The following SLCO3A1 variants were observed in gnomAD, a reference collection of about 807,000 sequenced individuals.
The protein encoded by SLCO3A1 is solute carrier organic anion transporter family member 3A1.
In SLCO3A1, 27 loss-of-function variants were observed where a neutral mutation model predicts 63.1. That is an observed-to-expected ratio of 0.43 (90% CI 0.32 to 0.59). The LOEUF is 0.59. Among genes scored for constraint, SLCO3A1 ranks in the 20% least tolerant of loss-of-function variants. SLCO3A1 has a pLI of 0.09. For synonymous variants in SLCO3A1, 473 were observed against 409.9 expected (o/e 1.15, Z -1.86); for missense variants, 773 against 945.8 (o/e 0.82, Z 2.40).
chr15:92,154,204 G>A (rs1192614292), intron 9 of SLCO3A1, among the ~76,000 whole-genome samples: 1 of 152,208 alleles, frequency 6.6e-6, no homozygotes, highest in Non-Finnish European at 1.5e-5. Context: ...TCTGCATTAT[G>A]CATTATTCTC....
intron 4 of SLCO3A1, among the ~76,000 whole-genome samples, chr15:92,114,051 G>A (rs1179004709): frequency 6.6e-6 from 1 of 152,148 alleles, no homozygotes; most frequent in Admixed American, 6.5e-5. Context: ...AAGCAATGGG[G>A]GCGTTCTTTG....
chr15:92,006,185 T>G (rs1397485901), intron 2 of SLCO3A1, among the ~76,000 whole-genome samples: 1 of 152,176 alleles, frequency 6.6e-6, no homozygotes, highest in Non-Finnish European at 1.5e-5. Flanking sequence ...TAAGCCAGGT[T>G]GTGCTGGAGT....
chr15:91,854,013 C>T lies in SLCO3A1; in HGVS notation c.105C>T (p.Cys35=). 3 of 1,545,832 alleles carry T rather than the reference C, an allele frequency of 1.9e-6. No homozygotes were observed. The highest frequency in any genetic ancestry group is 2.6e-6 in the Non-Finnish European group (3 of 1,145,260). ...AGAAAAAGAAAAAGAAGGTGTCCTG[C>T]TTTTCCAACATCAAGATCTTCCTGG... ...RNKKKKKKVS[C]FSNIKIFLVS... Residue 35 remains cysteine, a synonymous_variant, in exon 1 of 10, where the codon TGC becomes TGT. Transcript: ENST00000318445. The surrounding 1 kb of genome is among the most constrained non-coding windows in gnomAD (Gnocchi z 6.4).
chr15:92,070,526 C>A (rs1271690206), intron 2 of SLCO3A1, among the ~76,000 whole-genome samples: 1 of 152,052 alleles, frequency 6.6e-6, no homozygotes, highest in Non-Finnish European at 1.5e-5. Context: ...GCCTGTAATC[C>A]CAGCTACTCA....
chr15:91,913,127 A>T (rs1171695166), intron 1 of SLCO3A1, among the ~76,000 whole-genome samples: 2 of 152,246 alleles, frequency 1.3e-5, no homozygotes, highest in Non-Finnish European at 2.9e-5. Context: ...TCGTTTCTGA[A>T]CAGCGGCAAA....
chr15:91,881,520 A>G lies in SLCO3A1; in HGVS notation c.180+27432A>G, dbSNP rs1380503619. Among the ~76,000 whole-genome samples, 4 of 152,210 alleles carry G rather than the reference A, an allele frequency of 2.6e-5. No individual in the cohort carries two copies. In the South Asian group the frequency reaches 8.3e-4, roughly 32 times the overall value. Reference sequence around the variant, plus strand: ...ATCGTGCAGTTTATGGAACCAGCAGACTAACCCGCCCCCTTCCCTTGTCTT... The same window carrying G: ...ATCGTGCAGTTTATGGAACCAGCAGGCTAACCCGCCCCCTTCCCTTGTCTT... On this transcript the variant is annotated intron_variant, in intron 1 of 9. Coordinates refer to ENST00000318445, the MANE Select transcript of SLCO3A1 (RefSeq NM_013272.4).
At chr15:92,016,243 AGATAGATAGAT>A (rs1157813251) in intron 2 of SLCO3A1, among the ~76,000 whole-genome samples, 10 of 64,728 alleles carry the variant, frequency 1.5e-4, no homozygotes, top group South Asian at 9.2e-4. Flanking sequence ...ATAGATAGAT[AGATAGATAGAT>A]TAGATAGATA....
chr15:91,873,353 A>G (rs1897321807), intron 1 of SLCO3A1, among the ~76,000 whole-genome samples: 1 of 152,124 alleles, frequency 6.6e-6, no homozygotes. Context: ...GTCATTTCAG[A>G]CTGACAGCAA....
At chr15:92,068,922 A>G (rs1272485368) in intron 2 of SLCO3A1, among the ~76,000 whole-genome samples, 2 of 152,194 alleles carry the variant, frequency 1.3e-5, no homozygotes, top group Admixed American at 1.3e-4. Context: ...ACGCTGGGTC[A>G]CACAACTCCT....
intron 3 of SLCO3A1, among the ~76,000 whole-genome samples, chr15:92,103,515 A>C (rs549598516): frequency 8.3e-6 from 1 of 120,378 alleles, no homozygotes; most frequent in East Asian, 2.3e-4. Flanking sequence ...GCCACCAACA[A>C]AGTTGGCATT....
intron 2 of SLCO3A1, among the ~76,000 whole-genome samples, chr15:92,086,049 G>C (rs1195505740): frequency 6.6e-6 from 1 of 152,182 alleles, no homozygotes; most frequent in Admixed American, 6.5e-5. Flanking sequence ...ATTTGGGATA[G>C]TTTCCAGTTG....
chr15:91,995,821 A>G (rs193104925), intron 2 of SLCO3A1, among the ~76,000 whole-genome samples: 6 of 152,116 alleles, frequency 3.9e-5, no homozygotes, highest in African/African-American at 1.2e-4. Flanking sequence ...ATTCATGATT[A>G]AAAACAAGAA....
In SLCO3A1 at chr15:91,883,295, A is replaced by C. The variant is rs1313375689; in HGVS notation, c.180+29207A>C. On this transcript the variant is annotated intron_variant, in intron 1 of 9. Coordinates refer to ENST00000318445, the MANE Select transcript of SLCO3A1 (RefSeq NM_013272.4). This position sits in a 1 kb window ranked among gnomAD's most constrained non-coding sequence, Gnocchi z 4.8. ...TGGAGAGTGAAGAGAGAAACTTGGCACCGGGACCCTAGAATCCCCTCTTTC... is the reference window on the plus strand; with the variant it reads ...TGGAGAGTGAAGAGAGAAACTTGGCCCCGGGACCCTAGAATCCCCTCTTTC... Among the ~76,000 whole-genome samples, 2 of 152,138 alleles carry C rather than the reference A, an allele frequency of 1.3e-5. No individual in the cohort carries two copies.
At position 91,910,596 on chromosome 15, in the gene SLCO3A1, A is replaced by G. The variant is rs148707981; in HGVS notation, c.181-5397A>G. On this transcript the variant is annotated intron_variant, in intron 1 of 9. Coordinates refer to ENST00000318445, the MANE Select transcript of SLCO3A1 (RefSeq NM_013272.4). ...AAGCAAGTATTGTTCTCTCCACCAC[A>G]CAGGTGTGGAAACAGGCTCAGGAAG... Among the ~76,000 whole-genome samples the G allele has an allele frequency of 2.2e-3, 330 of 152,296 alleles. 3 individuals are homozygous for G. Among genetic ancestry groups the G allele is most frequent in the African/African-American group, 7.8e-3 (323 of 41,560 alleles).
In SLCO3A1 at chr15:92,038,741, C is replaced by T. The variant is rs141143522; in HGVS notation, c.647-56140C>T. Among the ~76,000 whole-genome samples, 389 of 151,886 alleles carry T rather than the reference C, an allele frequency of 2.6e-3. 5 individuals are homozygous for T. The highest frequency in any genetic ancestry group is 0.016 in the East Asian group (85 of 5,168). On this transcript the variant is annotated intron_variant, in intron 2 of 9. Transcript: ENST00000318445. ...TACCATGGATATTCTTCATAGAATT[C>T]GAAAAAAACTACTTCAAATTTTATA...
At chr15:91,995,063 A>G (rs374452369) in intron 2 of SLCO3A1, among the ~76,000 whole-genome samples, 9 of 152,308 alleles carry the variant, frequency 5.9e-5, no homozygotes, top group African/African-American at 1.4e-4. Flanking sequence ...TTCTGTGTTT[A>G]ATTACATTAT....
At chr15:91,995,930 G>T (rs1397069968) in intron 2 of SLCO3A1, among the ~76,000 whole-genome samples, 3 of 151,968 alleles carry the variant, frequency 2.0e-5, no homozygotes, top group African/African-American at 7.2e-5. Flanking sequence ...CCAAACACAT[G>T]GTTAATATCA....
chr15:92,165,311 C>T lies in SLCO3A1; in HGVS notation c.*2176C>T. 1.0e-6 allele frequency: 1 copy of T among 985,066 alleles called. No homozygotes were observed. Among genetic ancestry groups the T allele is most frequent in the Non-Finnish European group, 1.2e-6 (1 of 829,648 alleles). 61.0% of individuals were successfully genotyped at this position (985,066 alleles called of 1,614,324 possible). A position where few individuals can be genotyped will look rare whatever the true frequency, so the allele number is the denominator to read the frequency against. On this transcript the variant is annotated 3_prime_UTR_variant, in exon 10 of 10. Coordinates refer to ENST00000318445, the MANE Select transcript of SLCO3A1 (RefSeq NM_013272.4). ...TAACTACTAAAGGGGAGATGGTTCT[C>T]CAACCACTTCATAAAATATGTATGT...
chr15:92,045,197 T>A (rs1307422342), intron 2 of SLCO3A1, among the ~76,000 whole-genome samples: 1 of 151,530 alleles, frequency 6.6e-6, no homozygotes, highest in African/African-American at 2.4e-5. Context: ...GGAAAATCTC[T>A]TGAACCTGGG....
Sources: gnomAD v4.1 joint callset for allele counts (sites outside exome capture counted in the v4.1 genomes callset) on GRCh38, gnomAD v4.1.1 for gene constraint, Gnocchi (gnomAD v3.1) non-coding constraint, MANE v1.5 for transcripts, NCBI Gene and HGNC (gene_info 2026-07-23, HGNC 2026-07-21) for gene names.